OR51B5: variants seen among roughly 807,000 people sequenced by gnomAD.
The protein encoded by OR51B5 is olfactory receptor 51B5.
For missense variants in OR51B5, 456 were observed against 374.6 expected (o/e 1.22, Z -1.79); for synonymous variants, 186 against 144.8 (o/e 1.28, Z -2.04).
intron 1 of OR51B5, among the ~76,000 whole-genome samples, chr11:5,497,619 ACTGAGTATC>A (rs745506326): frequency 1.4e-4 from 22 of 152,170 alleles, no homozygotes; most frequent in Non-Finnish European, 3.1e-4. Context: ...GGGTAGAAGG[ACTGAGTATC>A]CTGTGGTTAA....
intron 1 of OR51B5, among the ~76,000 whole-genome samples, chr11:5,418,603 T>C (rs906429488): frequency 4.0e-5 from 6 of 151,838 alleles, no homozygotes; most frequent in African/African-American, 1.5e-4. Flanking sequence ...CTGGAAACCA[T>C]CATTCTCAGC....
rs1302740409 is a variant in OR51B5 at position 5,378,773 on chromosome 11, T to C, written n.85-31863A>G. 2.2e-4 allele frequency among the ~76,000 whole-genome samples: 34 copies of C among 151,604 alleles called. No homozygotes were observed. In the East Asian group the frequency reaches 4.7e-3, roughly 21 times the overall value. On this transcript the variant is annotated intron_variant and non_coding_transcript_variant, in intron 1 of 4. Transcript: ENST00000415970. ...AAAACCACAATGAGATACCATCTCA[T>C]ACCAGTTAGAATGGCAATCATTAAA...
intron 1 of OR51B5, among the ~76,000 whole-genome samples, chr11:5,497,096 T>C (rs372500): frequency 0.99 from 150,271 of 152,158 alleles, 74,236 homozygotes; most frequent in East Asian, 1. Flanking sequence ...GGAGAAGGAA[T>C]TCTTTGATCT....
chr11:5,423,059 C>G (rs766281535), intron 1 of OR51B5: 8 of 1,613,998 alleles, frequency 5.0e-6, no homozygotes, highest in Non-Finnish European at 6.8e-6. Context: ...GCTGGCACCC[C>G]CGGTGATGAA....
chr11:5,491,967 C>T (rs1031641500), intron 1 of OR51B5, among the ~76,000 whole-genome samples: 3 of 152,156 alleles, frequency 2.0e-5, no homozygotes, highest in Non-Finnish European at 4.4e-5. Context: ...AATGAGTTCA[C>T]AGTTTGGCAC....
chr11:5,409,499 T>C (rs1448027802), intron 1 of OR51B5, among the ~76,000 whole-genome samples: 2 of 76,362 alleles, frequency 2.6e-5, no homozygotes, highest in Non-Finnish European at 6.5e-5. Flanking sequence ...TCAATGCAAA[T>C]TCTAGAACTA....
At chr11:5,375,274 A>G (rs987824247) in intron 1 of OR51B5, among the ~76,000 whole-genome samples, 2 of 151,354 alleles carry the variant, frequency 1.3e-5, no homozygotes. Flanking sequence ...TTTACAGACA[A>G]GCAAATGCTG....
chr11:5,496,925 C>T (rs890723580), intron 1 of OR51B5, among the ~76,000 whole-genome samples: 5 of 152,054 alleles, frequency 3.3e-5, no homozygotes, highest in African/African-American at 4.8e-5. Context: ...TCATTAGAGT[C>T]AATGCTGCTG....
intron 1 of OR51B5, among the ~76,000 whole-genome samples, chr11:5,413,548 G>A (rs1365786168): frequency 6.6e-6 from 1 of 152,062 alleles, no homozygotes; most frequent in Non-Finnish European, 1.5e-5. Context: ...AAATTTAGAT[G>A]AATGTATAAC....
chr11:5,389,624 T>A, intron 1 of OR51B5: 1 of 1,613,766 alleles, frequency 6.2e-7, no homozygotes, highest in Non-Finnish European at 8.5e-7. Context: ...CTATCTACTA[T>A]CCTTGCTGGC....
At chr11:5,422,306 C>G (rs2133760750) in intron 1 of OR51B5, 1 of 1,614,096 alleles carries the variant, frequency 6.2e-7, no homozygotes, top group South Asian at 1.1e-5. Context: ...CGTCTGCTGT[C>G]TCTACACCAT....
At chr11:5,417,580 A>G (rs1850262642) in intron 1 of OR51B5, among the ~76,000 whole-genome samples, 1 of 148,734 alleles carries the variant, frequency 6.7e-6, no homozygotes, top group African/African-American at 2.4e-5. Flanking sequence ...CAAATTTACA[A>G]GAAAAAAAAA....
At chr11:5,433,447 C>T (rs991460133) in intron 1 of OR51B5, among the ~76,000 whole-genome samples, 1 of 152,192 alleles carries the variant, frequency 6.6e-6, no homozygotes, top group Non-Finnish European at 1.5e-5. Flanking sequence ...ATTCACTCAA[C>T]AGATTTGATG....
intron 1 of OR51B5, among the ~76,000 whole-genome samples, chr11:5,486,943 T>C (rs1410222094): frequency 6.6e-6 from 1 of 152,136 alleles, no homozygotes; most frequent in Non-Finnish European, 1.5e-5. Flanking sequence ...AAAGGGGACT[T>C]CCTAATTCCA....
Position 5,463,585 on chromosome 11 carries a change from T to A in OR51B5, n.84+41984A>T, listed in dbSNP as rs189539507. On this transcript the variant is annotated intron_variant and non_coding_transcript_variant, in intron 1 of 4. Transcript: ENST00000415970. The stretch of plus-strand genomic sequence containing the variant: ...AAAACACTGAAGATATTTTGGGGAG[T>A]GGATATAATTCTGGTGGTTATGTAT... 3.3e-3 allele frequency among the ~76,000 whole-genome samples: 502 copies of A among 152,242 alleles called. 15 individuals carry two copies. The highest frequency in any genetic ancestry group is 9.8e-4 in the Non-Finnish European group (67 of 68,024).
chr11:5,351,525 T>G (rs1278272760), intron 1 of OR51B5: 13 of 1,612,226 alleles, frequency 8.1e-6, no homozygotes, highest in Non-Finnish European at 1.1e-5. Context: ...TCAATAAGTC[T>G]GCTTCCACCT....
chr11:5,409,181 G>C (rs975116), intron 1 of OR51B5, among the ~76,000 whole-genome samples: 1 of 152,056 alleles, frequency 6.6e-6, no homozygotes, highest in East Asian at 1.9e-4. Context: ...TAGGAAGCTA[G>C]GAAGCAAGGG....
At chr11:5,390,151 G>A in intron 1 of OR51B5, 2 of 1,613,874 alleles carry the variant, frequency 1.2e-6, no homozygotes, top group South Asian at 2.2e-5. Flanking sequence ...GTGCCTTTCA[G>A]ACATGCACCG....
chr11:5,366,965 G>C (rs972970545), intron 1 of OR51B5, among the ~76,000 whole-genome samples: 19 of 151,994 alleles, frequency 1.3e-4, no homozygotes, highest in African/African-American at 4.6e-4. Context: ...ATGCCTAATG[G>C]TCTCCTAACA....
Sources: gnomAD v4.1 joint callset for allele counts (sites outside exome capture counted in the v4.1 genomes callset) on GRCh38, gnomAD v4.1.1 for gene constraint, MANE v1.5 for transcripts, NCBI Gene and HGNC (gene_info 2026-07-23, HGNC 2026-07-21) for gene names.